The following LRRC24 variants were observed in gnomAD, a reference collection of about 807,000 sequenced individuals.
The protein encoded by LRRC24 is leucine rich repeat containing 24.
LRRC24 carries 19 observed loss-of-function variants against 15.3 expected under a neutral mutation model. The ratio of observed to expected loss-of-function variants is 1.25; its 90% CI spans 0.87 to 1.83. The LOEUF (loss-of-function observed/expected upper bound fraction) is 1.83, where lower values mean the gene tolerates loss of function less well. LRRC24 is among the 40% of genes most tolerant of loss of function. The pLI, the probability that LRRC24 is intolerant of heterozygous loss-of-function variation, is 0.00. For synonymous variants in LRRC24, 469 were observed against 359.6 expected (o/e 1.30, Z -3.44); for missense variants, 914 against 723.9 (o/e 1.26, Z -3.01).
chr8:144,524,934 A>AGCAGCAGCAGCG lies in LRRC24; in HGVS notation c.29_40dup (p.Pro10_Leu13dup). ...GCCGGCGGCGCGGAGCGGCAGTAGT[A>AGCAGCAGCAGCG]GCAGCAGCAGCGGCAGCAGTGCGGG... On this transcript the variant is annotated inframe_insertion, in exon 2 of 5. Coordinates refer to ENST00000529415, the MANE Select transcript of LRRC24 (RefSeq NM_001024678.4). 6.6e-7 allele frequency: 1 copy of AGCAGCAGCAGCG among 1,508,368 alleles called. No individual in the cohort carries two copies. 93.4% of individuals were successfully genotyped at this position (1,508,368 alleles called of 1,614,324 possible).
rs757395977 is a variant in LRRC24, at chr8:144,522,814, C to A, written c.1203G>T (p.Val401=). 368 of 1,511,674 alleles carry A rather than the reference C, an allele frequency of 2.4e-4. No individual in the cohort carries two copies. Among genetic ancestry groups the A allele is most frequent in the Non-Finnish European group, 3.1e-4 (351 of 1,134,404 alleles). 93.6% of individuals were successfully genotyped at this position (1,511,674 alleles called of 1,614,324 possible). ...CCGCCGCAATGGCCGTCTGTGTGGC[C>A]ACGCCCAGGGCGCGGAAGGCCATGC... ...AGSMAFRALG[V]ATQTAIAAAI... is the part of the protein sequence containing the mutation. The change falls in exon 5 of 5, where the codon GTG becomes GTT. Residue 401 remains valine, a synonymous_variant. Coordinates refer to ENST00000529415, the MANE Select transcript of LRRC24 (RefSeq NM_001024678.4).
In LRRC24 at chr8:144,523,207, T is replaced by C. The variant is rs368396778; in HGVS notation, c.810A>G (p.Thr270=). The part of the protein sequence containing the change: ...PSVHVQPLEL[T]ANLGEDLRVA... ...CCCGCAGGTCCTCACCCAGGTTGGC[T>C]GTGAGCTCCAGCGGCTGCACGTGGA... Residue 270 remains threonine (T), a synonymous_variant, in exon 5 of 5, where the codon ACA becomes ACG. Coordinates refer to ENST00000529415, the MANE Select transcript of LRRC24 (RefSeq NM_001024678.4). 1 of 1,609,576 alleles carries C rather than the reference T, an allele frequency of 6.2e-7. No homozygotes were observed. Among genetic ancestry groups the C allele is most frequent in the South Asian group, 1.1e-5 (1 of 90,662 alleles).
rs1564825890 is a variant in LRRC24 at position 144,524,943 on chromosome 8, A to AGCG, written c.29_31dup (p.Pro10dup). The AGCG allele has an allele frequency of 6.6e-7, 1 of 1,506,088 alleles. No individual in the cohort carries two copies. The highest frequency in any genetic ancestry group is 8.9e-7 in the Non-Finnish European group (1 of 1,129,012). The allele number at this position is 1,506,088 out of a possible 1,614,324, so 93.3% of individuals were successfully genotyped here. On this transcript the variant is annotated inframe_insertion, in exon 2 of 5. Transcript: ENST00000529415. ...GCGGAGCGGCAGTAGTAGCAGCAGC[A>AGCG]GCGGCAGCAGTGCGGGGGCCCTCAG...
chr8:144,525,158 G>T, intron 1 of LRRC24, 125 bp from the exon 2 acceptor site: 1 of 576,204 alleles, frequency 1.7e-6, no homozygotes, highest in Non-Finnish European at 2.6e-6. Flanking sequence ...AAAACGTTCT[G>T]GTTTTCTCCT....
rs778364336 is a variant in LRRC24, at chr8:144,522,824, G to A, written c.1193C>T (p.Ala398Val). The change falls in exon 5 of 5, where the codon GCC (alanine) becomes GTC (valine). Residue 398 changes from alanine (A) to valine (V), a missense_variant. Physicochemically the swap from Ala to Val is moderately conservative, Grantham distance 64 (BLOSUM62 0). Coordinates refer to ENST00000529415, the MANE Select transcript of LRRC24 (RefSeq NM_001024678.4). Reference protein sequence around the residue: ...RPEAGSMAFRALGVATQTAIA... With the variant: ...RPEAGSMAFRVLGVATQTAIA... ...GGCCGTCTGTGTGGCCACGCCCAGG[G>A]CGCGGAAGGCCATGCTGCCCGCCTC... 30 of 1,473,710 alleles carry A rather than the reference G, an allele frequency of 2.0e-5. 1 individual carries two copies. Among genetic ancestry groups the A allele is most frequent in the Non-Finnish European group, 2.7e-5 (30 of 1,115,350 alleles). 91.3% of individuals were successfully genotyped at this position (1,473,710 alleles called of 1,614,324 possible).
chr8:144,523,483 G>T, intron 4 of LRRC24, 74 bp from the exon 5 acceptor site: 1 of 1,474,116 alleles, frequency 6.8e-7, no homozygotes, highest in Non-Finnish European at 8.9e-7. Context: ...GGTTTTGCAG[G>T]CCAGGACAGA....
rs1407307656 is a variant in LRRC24, at chr8:144,524,460, A to G, written c.419T>C (p.Phe140Ser). The change falls in exon 3 of 5, where the codon TTC (phenylalanine) becomes TCC (serine). Residue 140 changes from phenylalanine to serine, a missense_variant. Physicochemically the swap from Phe to Ser is radical, Grantham distance 155 (BLOSUM62 -2). Transcript: ENST00000529415. ...AGNQLARLLDFTFLHLPRLQE... is the reference protein window; with the variant it reads ...AGNQLARLLDSTFLHLPRLQE... ...GCTCACCGGCAGGTGCAAGAAGGTGAAATCCAGCAGCCGCGCCAGCTGGTT... is the reference window on the plus strand; with the variant it reads ...GCTCACCGGCAGGTGCAAGAAGGTGGAATCCAGCAGCCGCGCCAGCTGGTT... 2.5e-6 allele frequency: 4 copies of G among 1,597,962 alleles called. No homozygotes were observed. Among genetic ancestry groups the G allele is most frequent in the Non-Finnish European group, 3.4e-6 (4 of 1,179,850 alleles).
intron 1 of LRRC24, chr8:144,525,675 C>CAGAG (rs1035743204): frequency 2.0e-5 from 3 of 152,108 alleles, no homozygotes; most frequent in Non-Finnish European, 4.4e-5. Flanking sequence ...GGTAACCTGT[C>CAGAG]AGAGAATTGG....
Position 144,524,505 on chromosome 8 carries a change from C to T in LRRC24, c.374G>A (p.Arg125His). The change falls in exon 3 of 5, where the codon CGC (arginine) becomes CAC (histidine). Residue 125 changes from arginine to histidine, a missense_variant. Physicochemically the swap from Arg to His is conservative, Grantham distance 29 (BLOSUM62 0). Transcript: ENST00000529415. Reference protein sequence around the residue: ...SGAFVGLAQLRVLYLAGNQLA... With the variant: ...SGAFVGLAQLHVLYLAGNQLA... ...CTGGTTGCCCGCCAGGTAGAGCACG[C>T]GCAGCTGGGCCAGGCCTACGAAGGC... is the stretch of plus-strand genomic sequence containing the variant. 2 of 1,596,506 alleles carry T rather than the reference C, an allele frequency of 1.3e-6. No individual in the cohort carries two copies. The highest frequency in any genetic ancestry group is 1.7e-6 in the Non-Finnish European group (2 of 1,179,406).
chr8:144,526,771 A>C (rs60264048), intron 1 of LRRC24, 189 bp downstream of exon 1: 3,280 of 152,132 alleles, frequency 0.022, 121 homozygotes, highest in African/African-American at 0.075. Context: ...TGTATCCCCC[A>C]CGGCCTCCTC....
rs1157480554 is a variant in LRRC24, at chr8:144,524,621, C to T, written c.258G>A (p.Leu86=). 3.9e-6 allele frequency: 6 copies of T among 1,523,608 alleles called. No homozygotes were observed. 94.4% of individuals were successfully genotyped at this position (1,523,608 alleles called of 1,614,324 possible). Residue 86 remains leucine (L), a synonymous_variant, in exon 3 of 5, where the codon CTG becomes CTA. Transcript: ENST00000529415. ...LRRLYLHNNS[L]RALEAGAFRA... ...GGAAGGCGCCGGCCTCCAGGGCGCG[C>T]AGGCTGTTGTTGTGCAGGTAGAGCC...
Position 144,522,872 on chromosome 8 carries a change from G to T in LRRC24, c.1145C>A (p.Pro382His), listed in dbSNP as rs1243733837. 6.3e-6 allele frequency: 8 copies of T among 1,265,446 alleles called. No individual in the cohort carries two copies. The African/African-American group carries it at 7.8e-5, about 12-fold the overall frequency. 78.4% of individuals were successfully genotyped at this position (1,265,446 alleles called of 1,614,324 possible). ...PAQPPPPAAR[P>H]AGSEPRPEAG... is the part of the protein sequence containing the mutation. Reference sequence around the variant, plus strand: ...CTCGGGCCGGGGCTCGCTGCCGGCGGGGCGGGCGGCCGGAGGCGGCGGTTG... The same window carrying T: ...CTCGGGCCGGGGCTCGCTGCCGGCGTGGCGGGCGGCCGGAGGCGGCGGTTG... Residue 382 changes from proline (P) to histidine (H), a missense_variant, in exon 5 of 5, where the codon CCC becomes CAC. Coordinates refer to ENST00000529415, the MANE Select transcript of LRRC24 (RefSeq NM_001024678.4).
chr8:144,524,824 C>T lies in LRRC24; in HGVS notation c.151G>A (p.Gly51Arg). 2 of 1,470,424 alleles carry T rather than the reference C, an allele frequency of 1.4e-6. No individual in the cohort carries two copies. The highest frequency in any genetic ancestry group is 1.3e-5 in the South Asian group (1 of 77,050). 91.1% of individuals were successfully genotyped at this position (1,470,424 alleles called of 1,614,324 possible). Residue 51 changes from glycine (G) to arginine (R), a missense_variant, in exon 2 of 5, where the codon GGG becomes AGG. Gly to Arg is a moderately radical substitution (Grantham distance 125). Coordinates refer to ENST00000529415, the MANE Select transcript of LRRC24 (RefSeq NM_001024678.4). ...CTCCACACGGTGCCCACCTGCGTCCCTGGCGGGATTCCCAGCGGGACGACG... is the reference window on the plus strand; with the variant it reads ...CTCCACACGGTGCCCACCTGCGTCCTTGGCGGGATTCCCAGCGGGACGACG... ...LRVVPLGIPP[G>R]TQTLFLQDNN...
At chr8:144,525,116 T>G (rs2130799203) in intron 1 of LRRC24, 83 bp from the exon 2 acceptor site, 1 of 917,632 alleles carries the variant, frequency 1.1e-6, no homozygotes, top group Non-Finnish European at 1.5e-6. Flanking sequence ...GCGTCTAACT[T>G]TTGACGCTAT....
intron 1 of LRRC24, 122 bp from the exon 2 acceptor site, chr8:144,525,155 T>C: frequency 3.4e-6 from 2 of 580,572 alleles, no homozygotes; most frequent in Non-Finnish European, 5.2e-6. Context: ...AATAAAACGT[T>C]CTGGTTTTCT....
At position 144,524,576 on chromosome 8, in the gene LRRC24, C is replaced by T. The variant is rs1016655322; in HGVS notation, c.303G>A (p.Leu101=). The part of the protein sequence containing the change: ...AGAFRAQPRL[L]ELALTSNRLR... ...GCCGGTTGCTAGTGAGCGCCAGCTC[C>T]AGCAGGCGCGGCTGCGCGCGGAAGG... The change falls in exon 3 of 5, where the codon CTG becomes CTA. Residue 101 remains leucine (L), a synonymous_variant. Coordinates refer to ENST00000529415, the MANE Select transcript of LRRC24 (RefSeq NM_001024678.4). The T allele has an allele frequency of 6.4e-7, 1 of 1,553,096 alleles. No homozygotes were observed. The highest frequency in any genetic ancestry group is 1.4e-5 in the African/African-American group (1 of 73,518).
chr8:144,523,879 T>A (rs1816235572), intron 4 of LRRC24: 2 of 569,600 alleles, frequency 3.5e-6, no homozygotes, highest in Non-Finnish European at 6.1e-6. Flanking sequence ...AACCCTCAAT[T>A]CTGTTAAGTC....
intron 4 of LRRC24, 174 bp from the exon 5 acceptor site, chr8:144,523,583 C>T: frequency 9.8e-7 from 1 of 1,025,240 alleles, no homozygotes; most frequent in African/African-American, 1.7e-5. Flanking sequence ...GGGCGGCAGG[C>T]CCTTCACCCT....
At chr8:144,524,345 C>G (rs1418320089) in intron 3 of LRRC24, 67 bp from the exon 4 acceptor site, 2 of 1,597,958 alleles carry the variant, frequency 1.3e-6, no homozygotes, top group African/African-American at 2.7e-5. Flanking sequence ...TCTCTTCTTA[C>G]CAAGCTAGAC....
Sources: gnomAD v4.1 joint callset for allele counts on GRCh38, gnomAD v4.1.1 for gene constraint, MANE v1.5 for transcripts, NCBI Gene and HGNC (gene_info 2026-07-23, HGNC 2026-07-21) for gene names.